C14orf132: variants seen among roughly 807,000 people sequenced by gnomAD.
The protein encoded by C14orf132 is uncharacterized protein C14orf132.
C14orf132 carries 6 observed loss-of-function variants against 5.8 expected under a neutral mutation model. That is an observed-to-expected ratio of 1.03 (90% confidence interval 0.57 to 2.04). The LOEUF (loss-of-function observed/expected upper bound fraction) is 2.04. C14orf132 is among the 30% of genes most tolerant of loss of function. The pLI is 0.00. For missense variants in C14orf132, 125 were observed against 115.8 expected, an observed-to-expected ratio of 1.08 and a Z score of -0.37; for synonymous variants, 51 against 49.8, an observed-to-expected ratio of 1.02 and a Z score of -0.10.
intron 1 of C14orf132, among the ~76,000 whole-genome samples, chr14:96,072,515 T>C (rs1416403756): frequency 6.6e-6 from 1 of 152,240 alleles, no homozygotes; most frequent in Non-Finnish European, 1.5e-5. Flanking sequence ...CTAATATGCA[T>C]ACCAGAAAAT....
rs1209574334 is a variant in C14orf132, at chr14:96,049,619, C to T, written c.27+10092C>T. Among the ~76,000 whole-genome samples the T allele has an allele frequency of 1.3e-4, 12 of 91,706 alleles. 1 individual carries two copies. Among genetic ancestry groups the T allele is most frequent in the Admixed American group, 4.7e-4 (4 of 8,512 alleles). The allele number at this position is 91,706 out of a possible 152,430, so 60.2% of individuals were successfully genotyped here. ...ATATACGTATATATATACATATATACGTATATATATACATATATACGTATA... is the reference window on the plus strand; with the variant it reads ...ATATACGTATATATATACATATATATGTATATATATACATATATACGTATA... On this transcript the variant is annotated intron_variant, in intron 1 of 1. Coordinates refer to ENST00000555004, the MANE Select transcript of C14orf132 (RefSeq NM_001252507.3).
At chr14:96,058,956 A>C (rs1185154606) in intron 1 of C14orf132, among the ~76,000 whole-genome samples, 2 of 152,210 alleles carry the variant, frequency 1.3e-5, no homozygotes, top group Admixed American at 6.5e-5. Flanking sequence ...ATATTTGAAG[A>C]GGGGCTCAAG....
At chr14:96,044,253 A>G (rs1257133458) in intron 1 of C14orf132, among the ~76,000 whole-genome samples, 1 of 152,204 alleles carries the variant, frequency 6.6e-6, no homozygotes, top group African/African-American at 2.4e-5. Context: ...GGTTCACTGC[A>G]GCCTTAATCT....
At chr14:96,078,563 C>T (rs75034586) in intron 1 of C14orf132, among the ~76,000 whole-genome samples, 33,436 of 152,118 alleles carry the variant, frequency 0.22, 4,020 homozygotes, top group Non-Finnish European at 0.27. Context: ...CTATCTGTGC[C>T]GGCACCGCAA....
intron 1 of C14orf132, among the ~76,000 whole-genome samples, chr14:96,049,295 A>C (rs890508410): frequency 6.6e-6 from 1 of 151,660 alleles, no homozygotes; most frequent in Non-Finnish European, 1.5e-5. Flanking sequence ...AATCCAATCT[A>C]ACAATCTCTG....
Position 96,042,856 on chromosome 14 carries a change from T to G in C14orf132, c.27+3329T>G, listed in dbSNP as rs1886730802. Among the ~76,000 whole-genome samples the G allele has an allele frequency of 2.0e-5, 3 of 152,334 alleles. No homozygotes were observed. In the South Asian group the frequency reaches 6.2e-4, roughly 32 times the overall value. Reference sequence around the variant, plus strand: ...CCACTCCACACAGTGCCTGAGTCTCTGGTGACTCTGGAGGATGTGAACAGT... The same window carrying G: ...CCACTCCACACAGTGCCTGAGTCTCGGGTGACTCTGGAGGATGTGAACAGT... On this transcript the variant is annotated intron_variant, in intron 1 of 1. Coordinates refer to ENST00000555004, the MANE Select transcript of C14orf132 (RefSeq NM_001252507.3).
intron 1 of C14orf132, among the ~76,000 whole-genome samples, chr14:96,045,278 G>C (rs1349332546): frequency 6.6e-6 from 1 of 152,196 alleles, no homozygotes; most frequent in African/African-American, 2.4e-5. Flanking sequence ...AGCCTTCAGG[G>C]GTTTTTGACT....
intron 1 of C14orf132, among the ~76,000 whole-genome samples, chr14:96,049,072 C>T (rs1284668044): frequency 6.6e-6 from 1 of 151,998 alleles, no homozygotes; most frequent in Non-Finnish European, 1.5e-5. Flanking sequence ...TTTCAGGTGC[C>T]CACCACTGTA....
intron 1 of C14orf132, among the ~76,000 whole-genome samples, chr14:96,045,623 G>A (rs925803034): frequency 5.9e-5 from 9 of 152,226 alleles, no homozygotes; most frequent in South Asian, 2.1e-4. Context: ...GCCTGGGGCC[G>A]CAGGTGCTTC....
chr14:96,047,730 T>A (rs543370025), intron 1 of C14orf132, among the ~76,000 whole-genome samples: 119 of 152,288 alleles, frequency 7.8e-4, no homozygotes, highest in African/African-American at 2.8e-3. Flanking sequence ...TTTTAAGAAC[T>A]TTTTTAAAGA....
intron 1 of C14orf132, among the ~76,000 whole-genome samples, chr14:96,047,706 C>A (rs34038025): frequency 6.3e-4 from 96 of 152,216 alleles, no homozygotes; most frequent in African/African-American, 2.2e-3. Context: ...CTCTGCATCA[C>A]GTCAGCCTAT....
intron 1 of C14orf132, among the ~76,000 whole-genome samples, chr14:96,070,476 G>A (rs1887671894): frequency 1.3e-5 from 2 of 152,062 alleles, no homozygotes; most frequent in South Asian, 4.1e-4. Flanking sequence ...CAGGTTTGTA[G>A]AAATGCAAGT....
At chr14:96,076,791 A>G (rs1364825013) in intron 1 of C14orf132, among the ~76,000 whole-genome samples, 2 of 152,162 alleles carry the variant, frequency 1.3e-5, no homozygotes, top group Non-Finnish European at 2.9e-5. Flanking sequence ...AGTACTATAA[A>G]TTTTTCTCTA....
In C14orf132 at chr14:96,092,192, T is replaced by C. The variant is rs986282681; in HGVS notation, c.*5457T>C. The C allele has an allele frequency of 5.9e-5, 9 of 152,244 alleles. No individual in the cohort carries two copies. The highest frequency in any genetic ancestry group is 2.2e-4 in the African/African-American group (9 of 41,452). 9.4% of individuals were successfully genotyped at this position (152,244 alleles called of 1,614,324 possible). A position where few individuals can be genotyped will look rare whatever the true frequency, so the allele number is the denominator to read the frequency against. On this transcript the variant is annotated 3_prime_UTR_variant, in exon 2 of 2. Transcript: ENST00000555004. Reference sequence around the variant, plus strand: ...AAAAGAGCAGAGAATGACGTGGACATTGGTCCTCGGAGAGGCTGCGTAGGT... The same window carrying C: ...AAAAGAGCAGAGAATGACGTGGACACTGGTCCTCGGAGAGGCTGCGTAGGT...
intron 1 of C14orf132, among the ~76,000 whole-genome samples, chr14:96,077,506 G>A (rs1473626797): frequency 6.6e-6 from 1 of 152,198 alleles, no homozygotes; most frequent in Non-Finnish European, 1.5e-5. Flanking sequence ...CATGCACAGA[G>A]GGAAGACCAT....
At position 96,087,462 on chromosome 14, in the gene C14orf132, AC is replaced by A. The variant is rs1888233151; in HGVS notation, c.*730del. 1 of 151,972 alleles carries A rather than the reference AC, an allele frequency of 6.6e-6. No homozygotes were observed. Among genetic ancestry groups the A allele is most frequent in the South Asian group, 2.1e-4 (1 of 4,806 alleles). The allele number at this position is 151,972 out of a possible 1,614,324, so 9.4% of individuals were successfully genotyped here. ...TGCCAGGCAGTGGACTCTTCAGGCC[AC>A]CCACGTGAGAATGCTGTTTCTTCTC... On this transcript the variant is annotated 3_prime_UTR_variant, in exon 2 of 2. Transcript: ENST00000555004.
In C14orf132 at chr14:96,043,418, C is replaced by G. The variant is rs532108149; in HGVS notation, c.27+3891C>G. Among the ~76,000 whole-genome samples, 8 of 152,262 alleles carry G rather than the reference C, an allele frequency of 5.3e-5. No homozygotes were observed. The South Asian group carries it at 1.7e-3, about 32-fold the overall frequency. ...AGGGCTCCTTCACTTGTTCTTATGG[C>G]GTAACTCTCCTGTTAAAGCATGCCT... On this transcript the variant is annotated intron_variant, in intron 1 of 1. Coordinates refer to ENST00000555004, the MANE Select transcript of C14orf132 (RefSeq NM_001252507.3).
Position 96,093,534 on chromosome 14 carries a change from T to C in C14orf132, c.*6799T>C, listed in dbSNP as rs1197405613. ...TAATCTTTTGCAGAAACCTTACTAT[T>C]ATAACTTGCTACTCTCCAGATACCA... On this transcript the variant is annotated 3_prime_UTR_variant, in exon 2 of 2. Coordinates refer to ENST00000555004, the MANE Select transcript of C14orf132 (RefSeq NM_001252507.3). 6.6e-6 allele frequency: 1 copy of C among 152,254 alleles called. No homozygotes were observed. The highest frequency in any genetic ancestry group is 1.5e-5 in the Non-Finnish European group (1 of 68,052). 9.4% of individuals were successfully genotyped at this position (152,254 alleles called of 1,614,324 possible). A position where few individuals can be genotyped will look rare whatever the true frequency, so the allele number is the denominator to read the frequency against.
chr14:96,083,316 C>T (rs1888083710), intron 1 of C14orf132, among the ~76,000 whole-genome samples: 2 of 152,168 alleles, frequency 1.3e-5, no homozygotes, highest in Non-Finnish European at 2.9e-5. Flanking sequence ...CAGTTATGCA[C>T]ACCATCCTGA....
Sources: gnomAD v4.1 joint callset for allele counts (sites outside exome capture counted in the v4.1 genomes callset) on GRCh38, gnomAD v4.1.1 for gene constraint, MANE v1.5 for transcripts, NCBI Gene and HGNC (gene_info 2026-07-23, HGNC 2026-07-21) for gene names.